ADH4: variants seen among roughly 807,000 people sequenced by gnomAD.
ADH4 encodes alcohol dehydrogenase 4 (class II), pi polypeptide.
A neutral mutation model predicts 35.2 loss-of-function variants in ADH4; 31 were observed. The observed-to-expected ratio is 0.88, with a 90% CI of 0.66 to 1.19. The LOEUF is 1.19. Among genes scored for constraint, ADH4 ranks in the 50% most tolerant of loss-of-function variants. The pLI is 0.00. For synonymous variants in ADH4, 171 were observed against 160.2 expected, an observed-to-expected ratio of 1.07 and a Z score of -0.51; for missense variants, 476 against 458.3, an observed-to-expected ratio of 1.04 and a Z score of -0.35.
Position 99,124,432 on chromosome 4 carries a change from C to G in ADH4, c.*10G>C. 2 of 1,491,284 alleles carry G rather than the reference C, an allele frequency of 1.3e-6. No individual in the cohort carries two copies. Among genetic ancestry groups the G allele is most frequent in the Non-Finnish European group, 1.9e-6 (2 of 1,079,790 alleles). The allele number at this position is 1,491,284 out of a possible 1,614,324, so 92.4% of individuals were successfully genotyped here. ...CAATCAGATAGTATTCTGAATTGCT[C>G]CTGGCATCTTCAAAAGATGAGGATT... On this transcript the variant is annotated 3_prime_UTR_variant, in exon 9 of 9. Coordinates refer to ENST00000265512, the MANE Select transcript of ADH4 (RefSeq NM_000670.5).
Position 99,136,646 on chromosome 4 carries a change from G to T in ADH4, c.402C>A (p.Ser134Arg). Residue 134 changes from serine to arginine, a missense_variant, in exon 5 of 9, where the codon AGC becomes AGA. By Grantham distance (110) the Ser-to-Arg change is moderately radical. Transcript: ENST00000265512. ...SDQQLMEDKTSRFTCKGKPVY... is the reference protein window; with the variant it reads ...SDQQLMEDKTRRFTCKGKPVY... ...CTGGTTTTCCTTTGCAGGTAAACCT[G>T]CTGGTTTTGTCTTCCATTAGTTGTT... 2 of 1,614,030 alleles carry T rather than the reference G, an allele frequency of 1.2e-6. No homozygotes were observed. The highest frequency in any genetic ancestry group is 1.7e-6 in the Non-Finnish European group (2 of 1,179,972).
intron 8 of ADH4, among the ~76,000 whole-genome samples, chr4:99,125,883 T>G (rs1489538046): frequency 2.6e-5 from 4 of 152,228 alleles, no homozygotes; most frequent in African/African-American, 9.6e-5. Context: ...TTTTCATTTC[T>G]TCTTGGTCCT....
chr4:99,143,100 T>C (rs1367130748), intron 1 of ADH4: 7 of 699,202 alleles, frequency 1.0e-5, no homozygotes, highest in Non-Finnish European at 1.6e-5. Flanking sequence ...ATTTATGGAG[T>C]TTGAATAAGG....
In ADH4 at chr4:99,144,283, C is replaced by A; in HGVS notation, c.-61G>T. 6.6e-7 allele frequency: 1 copy of A among 1,514,802 alleles called. No individual in the cohort carries two copies. Among genetic ancestry groups the A allele is most frequent in the Non-Finnish European group, 9.2e-7 (1 of 1,089,804 alleles). The allele number at this position is 1,514,802 out of a possible 1,614,324, so 93.8% of individuals were successfully genotyped here. ...GAGTTAAGAAAGCTTCAAACTCCTA[C>A]CCAGGGAGTTCCGTGTCCTATAATG... On this transcript the variant is annotated 5_prime_UTR_variant, in exon 1 of 9. Transcript: ENST00000265512.
At chr4:99,128,732 GCTTT>G (rs1351464730) in intron 6 of ADH4, among the ~76,000 whole-genome samples, 3 of 151,946 alleles carry the variant, frequency 2.0e-5, no homozygotes, top group African/African-American at 7.2e-5. Flanking sequence ...AGGATTTCTT[GCTTT>G]CTAAGTTTTC....
chr4:99,129,210 T>G (rs1729195910), intron 6 of ADH4, among the ~76,000 whole-genome samples: 1 of 151,964 alleles, frequency 6.6e-6, no homozygotes, highest in African/African-American at 2.4e-5. Context: ...GTTATAAATA[T>G]AAAAATGTAT....
intron 6 of ADH4, among the ~76,000 whole-genome samples, chr4:99,131,121 A>C (rs1328938890): frequency 6.6e-6 from 1 of 152,198 alleles, no homozygotes; most frequent in Non-Finnish European, 1.5e-5. Context: ...AAAACCCCTA[A>C]AATTGTCTCC....
At chr4:99,131,116 C>T (rs1232116619) in intron 6 of ADH4, among the ~76,000 whole-genome samples, 2 of 151,992 alleles carry the variant, frequency 1.3e-5, no homozygotes, top group African/African-American at 4.8e-5. Context: ...ATGAAAAAAC[C>T]CCTAAAATTG....
At position 99,139,064 on chromosome 4, in the gene ADH4, AT is replaced by A; in HGVS notation, c.346del (p.Ile116SerfsTer13). 1 of 1,610,956 alleles carries A rather than the reference AT, an allele frequency of 6.2e-7. No homozygotes were observed. ...ACTAACAGTGTAGAGTGCTTACCTG[AT>A]TTTCCCACACAAATTTGTGAGTGGA... is the stretch of plus-strand genomic sequence containing the variant. Reference protein sequence around the residue: ...LSPLTNLCGKISNLKSPASDQ... With the variant: ...LSPLTNLCGKXSNLKSPASDQ... On this transcript the variant is annotated frameshift_variant, in exon 4 of 9. Coordinates refer to ENST00000265512, the MANE Select transcript of ADH4 (RefSeq NM_000670.5). LOFTEE classifies it high-confidence loss of function.
At position 99,126,684 on chromosome 4, in the gene ADH4, T is replaced by C. The variant is rs1165674093; in HGVS notation, c.1028A>G (p.Asn343Ser). 1 of 1,612,216 alleles carries C rather than the reference T, an allele frequency of 6.2e-7. No individual in the cohort carries two copies. Among genetic ancestry groups the C allele is most frequent in the South Asian group, 1.1e-5 (1 of 90,886 alleles). ...SIPKLVTDYK[N>S]KKFNLDALVT... ...CAGTGCATCCAGATTGAATTTCTTA[T>C]TCTTATAGTCAGTGACCAGCTTTGG... is the stretch of plus-strand genomic sequence containing the variant. The change falls in exon 8 of 9, where the codon AAT becomes AGT. Residue 343 changes from asparagine to serine, a missense_variant. Asn to Ser is a conservative substitution (Grantham distance 46, BLOSUM62 1). Coordinates refer to ENST00000265512, the MANE Select transcript of ADH4 (RefSeq NM_000670.5).
At chr4:99,124,511 A>C in intron 8 of ADH4, 45 bp from the exon 9 acceptor site, 1 of 1,220,728 alleles carries the variant, frequency 8.2e-7, no homozygotes, top group African/African-American at 1.6e-5. Context: ...TTTCATGATA[A>C]ATTTAACCAA....
intron 6 of ADH4, among the ~76,000 whole-genome samples, chr4:99,129,393 G>A (rs114443440): frequency 0.02 from 2,983 of 152,012 alleles, 101 homozygotes; most frequent in African/African-American, 0.068. Context: ...TTCATGAAGA[G>A]GAATTTATAA....
intron 7 of ADH4, 63 bp from the exon 8 acceptor site, chr4:99,126,795 A>G (rs1729109251): frequency 1.4e-6 from 2 of 1,456,748 alleles, no homozygotes; most frequent in Non-Finnish European, 1.9e-6. Flanking sequence ...TTTAATCAGC[A>G]TTTGCTGAAT....
Position 99,131,602 on chromosome 4 carries a change from G to A in ADH4, c.745C>T (p.Pro249Ser). The change falls in exon 6 of 9, where the codon CCT becomes TCT. Residue 249 changes from proline (P) to serine (S), a missense_variant. Coordinates refer to ENST00000265512, the MANE Select transcript of ADH4 (RefSeq NM_000670.5). ...KALGATDCLN[P>S]RDLHKPIQEV... ...TGGATCGGTTTATGTAAGTCTCTAGGATTGAGGCAGTCAGTGGCTCCCAGG... is the reference window on the plus strand; with the variant it reads ...TGGATCGGTTTATGTAAGTCTCTAGAATTGAGGCAGTCAGTGGCTCCCAGG... 8 of 1,614,108 alleles carry A rather than the reference G, an allele frequency of 5.0e-6. No individual in the cohort carries two copies. The highest frequency in any genetic ancestry group is 6.8e-6 in the Non-Finnish European group (8 of 1,179,992).
Position 99,139,103 on chromosome 4 carries a change from T to G in ADH4, c.308A>C (p.Lys103Thr). 1 of 1,613,530 alleles carries G rather than the reference T, an allele frequency of 6.2e-7. No homozygotes were observed. Among genetic ancestry groups the G allele is most frequent in the African/African-American group, 1.3e-5 (1 of 75,024 alleles). ...PLYAPLCRKC[K>T]FCLSPLTNLC... is the part of the protein sequence containing the mutation. ...ATTTGTGAGTGGACTCAGACAAAAC[T>G]TGCATTTTCTACATAGAGGTGCATA... The change falls in exon 4 of 9, where the codon AAG (lysine) becomes ACG (threonine). Residue 103 changes from lysine (K) to threonine (T), a missense_variant. Transcript: ENST00000265512.
chr4:99,142,638 GGGGCCCTGTCTGTTCCCACCCAA>G lies in ADH4; in HGVS notation c.120+18_120+40del, dbSNP rs1412398979. The G allele has an allele frequency of 1.5e-6, 2 of 1,354,238 alleles. No individual in the cohort carries two copies. Among genetic ancestry groups the G allele is most frequent in the African/African-American group, 3.0e-5 (2 of 67,334 alleles). The allele number at this position is 1,354,238 out of a possible 1,614,324, so 83.9% of individuals were successfully genotyped here. On this transcript the variant is annotated intron_variant, in intron 2 of 8. Coordinates refer to ENST00000265512, the MANE Select transcript of ADH4 (RefSeq NM_000670.5). ...CCTGACAGAAGCCAGGTCTCCACTT[GGGGCCCTGTCTGTTCCCACCCAA>G]GGAAAGTCTCCACTTACCTGAATGC...
At chr4:99,131,077 A>G (rs1729255513) in intron 6 of ADH4, among the ~76,000 whole-genome samples, 1 of 152,186 alleles carries the variant, frequency 6.6e-6, no homozygotes, top group Admixed American at 6.5e-5. Context: ...TTGATTTAAT[A>G]GTCAAAAGGA....
At position 99,137,013 on chromosome 4, in the gene ADH4, A is replaced by G. The variant is rs543532449; in HGVS notation, c.351-316T>C. On this transcript the variant is annotated intron_variant, in intron 4 of 8. Coordinates refer to ENST00000265512, the MANE Select transcript of ADH4 (RefSeq NM_000670.5). Reference sequence around the variant, plus strand: ...TGCCTAGGCTGGACTGCAGTGGCACAATCTCCGTTCACCGCAACCTCCGCC... The same window carrying G: ...TGCCTAGGCTGGACTGCAGTGGCACGATCTCCGTTCACCGCAACCTCCGCC... 3.9e-5 allele frequency among the ~76,000 whole-genome samples: 6 copies of G among 152,054 alleles called. No individual in the cohort carries two copies. The East Asian group carries it at 1.2e-3, about 29-fold the overall frequency.
At chr4:99,125,142 A>T (rs2602897) in intron 8 of ADH4, among the ~76,000 whole-genome samples, 120,168 of 152,208 alleles carry the variant, frequency 0.79, 48,111 homozygotes, top group East Asian at 1. Context: ...TCCCATCCCC[A>T]TCCCCCCACT....
Sources: allele counts gnomAD v4.1 joint callset (sites outside exome capture counted in the v4.1 genomes callset), GRCh38; gene constraint gnomAD v4.1.1; transcripts MANE v1.5; gene names NCBI Gene and HGNC (gene_info 2026-07-23, HGNC 2026-07-21).